Variants in EYS observed in about 807,000 individuals in gnomAD.
The protein encoded by EYS is EGF-like photoreceptor maintenance factor.
A neutral mutation model predicts 282.1 loss-of-function variants in EYS; 250 were observed. The ratio of observed to expected loss-of-function variants is 0.89; its 90% CI spans 0.80 to 0.98. The LOEUF is 0.98. EYS is among the 50% of genes least tolerant of loss of function. EYS has a pLI of 0.00. For missense variants in EYS, 4,016 were observed against 3,709.0 expected (o/e 1.08, Z -2.15); for synonymous variants, 1,355 against 1,282.9 (o/e 1.06, Z -1.20).
At chr6:64,518,349 T>A (rs1777624664) in intron 26 of EYS, among the ~76,000 whole-genome samples, 2 of 151,750 alleles carry the variant, frequency 1.3e-5, no homozygotes, top group Admixed American at 1.3e-4. Context: ...CTCCGTCATG[T>A]AATCTAGCCC....
At chr6:63,803,959 C>A (rs902595091) in intron 37 of EYS, among the ~76,000 whole-genome samples, 1 of 152,236 alleles carries the variant, frequency 6.6e-6, no homozygotes, top group African/African-American at 2.4e-5. Flanking sequence ...AAGGTGGCTA[C>A]AGAAGGCCCT....
chr6:64,605,415 A>G (rs1228553669), intron 24 of EYS, among the ~76,000 whole-genome samples: 1 of 151,970 alleles, frequency 6.6e-6, no homozygotes, highest in East Asian at 1.9e-4. Flanking sequence ...TTTAACTCCA[A>G]ATAGCAAAAT....
chr6:65,577,178 A>G (rs112874931), intron 2 of EYS, among the ~76,000 whole-genome samples: 2,678 of 152,054 alleles, frequency 0.018, 79 homozygotes, highest in African/African-American at 0.062. Context: ...AATCTATTAC[A>G]AAGCTATAGT....
At chr6:63,929,366 C>A (rs535200004) in intron 35 of EYS, among the ~76,000 whole-genome samples, 1 of 152,288 alleles carries the variant, frequency 6.6e-6, no homozygotes, top group Admixed American at 6.5e-5. Context: ...ACACAGACAG[C>A]TGTTATATCC....
intron 10 of EYS, 28 bp downstream of exon 10, chr6:65,344,010 G>A (rs767232360): frequency 1.9e-6 from 3 of 1,594,870 alleles, no homozygotes; most frequent in Non-Finnish European, 2.6e-6. Flanking sequence ...AGAGAAAAAT[G>A]AAAAGCAACT....
chr6:64,869,762 A>G (rs7756335), intron 19 of EYS, among the ~76,000 whole-genome samples: 107,447 of 151,492 alleles, frequency 0.71, 38,555 homozygotes, highest in Admixed American at 0.76. Flanking sequence ...ATTATAAAAG[A>G]TCTTGAGAAT....
At chr6:64,561,128 C>A (rs989262894) in intron 26 of EYS, among the ~76,000 whole-genome samples, 2 of 151,948 alleles carry the variant, frequency 1.3e-5, no homozygotes, top group African/African-American at 4.8e-5. Context: ...TCCAACATCC[C>A]TAAATGTTAA....
At chr6:64,097,813 A>G (rs1390785662) in intron 31 of EYS, among the ~76,000 whole-genome samples, 2 of 152,234 alleles carry the variant, frequency 1.3e-5, no homozygotes, top group African/African-American at 4.8e-5. Context: ...AATATGGAAG[A>G]AAATTATAAT....
At chr6:65,156,204 C>T (rs1764724301) in intron 12 of EYS, among the ~76,000 whole-genome samples, 1 of 151,112 alleles carries the variant, frequency 6.6e-6, no homozygotes, top group Non-Finnish European at 1.5e-5. Flanking sequence ...AAGACTGCTT[C>T]AGAGACTCCC....
At chr6:65,498,555 G>A (rs888959423) in intron 2 of EYS, among the ~76,000 whole-genome samples, 9 of 152,026 alleles carry the variant, frequency 5.9e-5, no homozygotes, top group East Asian at 1.9e-4. Flanking sequence ...CTTAGAGCAC[G>A]CTGGGTCTCT....
At chr6:65,624,006 G>A (rs1180683700) in intron 2 of EYS, among the ~76,000 whole-genome samples, 1 of 152,152 alleles carries the variant, frequency 6.6e-6, no homozygotes, top group Admixed American at 6.5e-5. Flanking sequence ...TATGATAGAT[G>A]GATGGATAGA....
intron 28 of EYS, among the ~76,000 whole-genome samples, chr6:64,401,860 T>G (rs1203331340): frequency 1.3e-5 from 2 of 152,082 alleles, no homozygotes; most frequent in Non-Finnish European, 2.9e-5. Flanking sequence ...TTTCCTCACT[T>G]AAAACTTTGA....
chr6:65,509,626 T>C (rs1280061659), intron 2 of EYS, among the ~76,000 whole-genome samples: 1 of 152,216 alleles, frequency 6.6e-6, no homozygotes, highest in Non-Finnish European at 1.5e-5. Context: ...ATGCTAGGCA[T>C]ATGACTTGCA....
chr6:65,518,970 G>A (rs1262469094), intron 2 of EYS, among the ~76,000 whole-genome samples: 1 of 152,080 alleles, frequency 6.6e-6, no homozygotes, highest in Non-Finnish European at 1.5e-5. Context: ...ATGAGATTTA[G>A]GTGGGGACAC....
intron 5 of EYS, among the ~76,000 whole-genome samples, chr6:65,466,948 A>G (rs1182094430): frequency 1.3e-5 from 2 of 152,194 alleles, no homozygotes; most frequent in Admixed American, 1.3e-4. Context: ...TAGCTCATCA[A>G]TGCCCAGCAG....
chr6:64,866,126 T>G (rs1464891343), intron 19 of EYS, among the ~76,000 whole-genome samples: 3 of 151,976 alleles, frequency 2.0e-5, no homozygotes, highest in African/African-American at 7.2e-5. Flanking sequence ...AGCAATCTGC[T>G]TAAACTGTAT....
chr6:63,745,873 G>C (rs377023455), intron 41 of EYS, among the ~76,000 whole-genome samples: 7 of 152,174 alleles, frequency 4.6e-5, no homozygotes, highest in Admixed American at 3.9e-4. Context: ...TTGTAATCCA[G>C]TAGAATTAGT....
chr6:65,209,385 T>C (rs1487445024), intron 12 of EYS, among the ~76,000 whole-genome samples: 1 of 151,714 alleles, frequency 6.6e-6, no homozygotes, highest in Non-Finnish European at 1.5e-5. Flanking sequence ...AATGAAACAA[T>C]TATTTGCTCC....
chr6:65,419,491 C>T (rs139422766), intron 5 of EYS, among the ~76,000 whole-genome samples: 4 of 151,762 alleles, frequency 2.6e-5, no homozygotes, highest in South Asian at 2.1e-4. Context: ...CACATTGAGC[C>T]TAAATTTTGA....
Sources: allele counts gnomAD v4.1 joint callset (sites outside exome capture counted in the v4.1 genomes callset), GRCh38; gene constraint gnomAD v4.1.1; transcripts MANE v1.5; gene names NCBI Gene and HGNC (gene_info 2026-07-23, HGNC 2026-07-21).